SPATS2: variants seen among roughly 807,000 people sequenced by gnomAD.
The protein encoded by SPATS2 is spermatogenesis-associated serine-rich protein 2.
In SPATS2, 38 loss-of-function variants were observed where a neutral mutation model predicts 63.7. The ratio of observed to expected loss-of-function variants is 0.60; its 90% CI spans 0.46 to 0.78. The LOEUF (loss-of-function observed/expected upper bound fraction) is 0.78. SPATS2 is among the 30% of genes least tolerant of loss of function. The pLI is 0.00. For synonymous variants in SPATS2, 207 were observed against 232.9 expected (o/e 0.89, Z 1.01); for missense variants, 588 against 666.2 (o/e 0.88, Z 1.29).
intron 2 of SPATS2, among the ~76,000 whole-genome samples, chr12:49,437,265 A>G (rs1323699487): frequency 6.7e-6 from 1 of 149,544 alleles, no homozygotes; most frequent in African/African-American, 2.5e-5. Context: ...CACATCTCAG[A>G]CGATGGGCGG....
At chr12:49,507,768 G>A (rs1946677954) in intron 9 of SPATS2, among the ~76,000 whole-genome samples, 1 of 152,156 alleles carries the variant, frequency 6.6e-6, no homozygotes, top group African/African-American at 2.4e-5. Context: ...CACTGTGTTA[G>A]TGTGCGTACA....
chr12:49,425,098 A>G (rs1945050531), intron 2 of SPATS2, among the ~76,000 whole-genome samples: 1 of 152,150 alleles, frequency 6.6e-6, no homozygotes, highest in Admixed American at 6.5e-5. Flanking sequence ...ACACCCTGTG[A>G]TACATTCTTG....
intron 2 of SPATS2, among the ~76,000 whole-genome samples, chr12:49,390,597 A>C (rs1368475943): frequency 3.9e-5 from 6 of 152,236 alleles, no homozygotes; most frequent in Non-Finnish European, 7.3e-5. Flanking sequence ...AGTTAACACA[A>C]AGTTTATGTA....
At chr12:49,375,631 G>A (rs929146624) in intron 2 of SPATS2, among the ~76,000 whole-genome samples, 4 of 152,162 alleles carry the variant, frequency 2.6e-5, no homozygotes, top group Non-Finnish European at 4.4e-5. Flanking sequence ...AATTGCTCTT[G>A]TAATCTACCT....
intron 2 of SPATS2, among the ~76,000 whole-genome samples, chr12:49,439,596 G>C (rs1003616970): frequency 6.6e-6 from 1 of 152,162 alleles, no homozygotes; most frequent in Non-Finnish European, 1.5e-5. Context: ...AGGGCTTTTG[G>C]CTTGAGCAGT....
intron 2 of SPATS2, chr12:49,389,449 A>C: frequency 1.5e-6 from 1 of 664,686 alleles, no homozygotes; most frequent in South Asian, 1.8e-5. Flanking sequence ...CGGTTGGTAG[A>C]GGCTTTGAGT....
chr12:49,385,668 G>A (rs1172819145), intron 2 of SPATS2, among the ~76,000 whole-genome samples: 1 of 152,028 alleles, frequency 6.6e-6, no homozygotes, highest in African/African-American at 2.4e-5. Context: ...AAAGTGCTTA[G>A]CTGAGAGTGA....
intron 2 of SPATS2, among the ~76,000 whole-genome samples, chr12:49,375,155 TGTGTGTG>T (rs1944074625): frequency 5.1e-5 from 6 of 117,672 alleles, no homozygotes; most frequent in Non-Finnish European, 8.7e-5. Flanking sequence ...TGTGTGTGTG[TGTGTGTG>T]TGTGTGTGTG....
At chr12:49,456,389 G>A (rs567374178) in intron 2 of SPATS2, among the ~76,000 whole-genome samples, 13 of 152,316 alleles carry the variant, frequency 8.5e-5, no homozygotes, top group African/African-American at 3.1e-4. Flanking sequence ...CATATCTAGA[G>A]TGTAAAAGGG....
chr12:49,516,138 CAAAAAAAAAAAA>C (rs57936702), intron 10 of SPATS2, among the ~76,000 whole-genome samples: 21 of 3,480 alleles, frequency 6.0e-3, no homozygotes, highest in African/African-American at 0.014. Context: ...GACTCCATCT[CAAAAAAAAAAAA>C]AAAAAAAAAA....
At chr12:49,392,421 A>G (rs1219731882) in intron 2 of SPATS2, among the ~76,000 whole-genome samples, 1 of 152,208 alleles carries the variant, frequency 6.6e-6, no homozygotes, top group Non-Finnish European at 1.5e-5. Context: ...AACCATGCTT[A>G]CTGTGAAATA....
At chr12:49,369,129 G>A (rs184034411) in intron 1 of SPATS2, among the ~76,000 whole-genome samples, 1 of 145,126 alleles carries the variant, frequency 6.9e-6, no homozygotes, top group African/African-American at 2.6e-5. Flanking sequence ...TCCATCTCCC[G>A]GGTTCAAGCG....
At chr12:49,486,182 C>T (rs1946289769) in intron 4 of SPATS2, 2 of 448,086 alleles carry the variant, frequency 4.5e-6, no homozygotes, top group Non-Finnish European at 8.9e-6. Flanking sequence ...AAGTTTGGTG[C>T]CTTTTGTTGT....
chr12:49,526,227 C>A lies in SPATS2; in HGVS notation c.1610C>A (p.Thr537Asn), dbSNP rs2138112481. 6.2e-7 allele frequency: 1 copy of A among 1,613,174 alleles called. No individual in the cohort carries two copies. The highest frequency in any genetic ancestry group is 2.2e-5 in the East Asian group (1 of 44,872). The change falls in exon 14 of 14, where the codon ACC (threonine) becomes AAC (asparagine). Residue 537 changes from threonine (T) to asparagine (N), a missense_variant. Transcript: ENST00000552918. ...KKGLPQRKPRTSQTEAVNS is the reference protein window; with the variant it reads ...KKGLPQRKPRNSQTEAVNS ...GGGCTCCCCCAGCGCAAACCCAGGA[C>A]CTCTCAGACTGAAGCCGTGAACTCT...
At chr12:49,428,146 T>C (rs60418472) in intron 2 of SPATS2, among the ~76,000 whole-genome samples, 1 of 152,066 alleles carries the variant, frequency 6.6e-6, no homozygotes, top group South Asian at 2.1e-4. Context: ...TCCCAGCTAC[T>C]TGGGAGGCTG....
chr12:49,495,131 T>G (rs1170753820), intron 7 of SPATS2, 129 bp downstream of exon 7: 6 of 1,008,262 alleles, frequency 6.0e-6, no homozygotes, highest in Non-Finnish European at 8.0e-6. Context: ...GTCTTTTTAC[T>G]TTTTAGTTTT....
intron 2 of SPATS2, among the ~76,000 whole-genome samples, chr12:49,415,421 A>G (rs1944873011): frequency 6.6e-6 from 1 of 152,180 alleles, no homozygotes; most frequent in Non-Finnish European, 1.5e-5. Flanking sequence ...TTTTGGACCT[A>G]GCAACTCATT....
chr12:49,448,140 CTTTTT>C (rs572119924), intron 2 of SPATS2, among the ~76,000 whole-genome samples: 1 of 132,146 alleles, frequency 7.6e-6, no homozygotes. Context: ...TATTTTCTTT[CTTTTT>C]TTTTTTTTTT....
intron 4 of SPATS2, among the ~76,000 whole-genome samples, chr12:49,488,215 T>C (rs1206564514): frequency 6.6e-6 from 1 of 151,954 alleles, no homozygotes; most frequent in Non-Finnish European, 1.5e-5. Flanking sequence ...CAACTAATTT[T>C]TGTATTTTCA....
Sources: allele counts gnomAD v4.1 joint callset (sites outside exome capture counted in the v4.1 genomes callset), GRCh38; gene constraint gnomAD v4.1.1; transcripts MANE v1.5; gene names NCBI Gene and HGNC (gene_info 2026-07-23, HGNC 2026-07-21).